The following IPCEF1 variants were observed in gnomAD, a reference collection of about 807,000 sequenced individuals.
The protein encoded by IPCEF1 is interactor protein for cytohesin exchange factors 1.
Under a neutral mutation model 50.9 loss-of-function variants are expected in IPCEF1, and 31 were observed. The observed-to-expected ratio is 0.61, with a 90% CI of 0.46 to 0.82. The LOEUF is 0.82. Ranked by LOEUF, IPCEF1 falls within the 40% of genes least tolerant of loss-of-function variation. The pLI is 0.00. For synonymous variants in IPCEF1, 181 were observed against 192.0 expected (o/e 0.94, Z 0.47); for missense variants, 458 against 514.0 (o/e 0.89, Z 1.05).
rs71021036 is a variant in IPCEF1, at chr6:154,273,724, C to CTTTTTTTTTTTTTTTT, written c.-17-7776_-17-7761dup. ...TCTTTTTTTCTTTCTTTCTTTCTTT[C>CTTTTTTTTTTTTTTTT]TTTTTTTTTTTTTTTTTTTTTTTTT... On this transcript the variant is annotated intron_variant, in intron 2 of 11. Transcript: ENST00000367220. 9.5e-5 allele frequency among the ~76,000 whole-genome samples: 6 copies of CTTTTTTTTTTTTTTTT among 63,316 alleles called. 1 individual carries two copies. The highest frequency in any genetic ancestry group is 1.3e-4 in the Non-Finnish European group (4 of 31,576). 41.5% of individuals were successfully genotyped at this position (63,316 alleles called of 152,430 possible). A position where few individuals can be genotyped will look rare whatever the true frequency, so the allele number is the denominator to read the frequency against.
chr6:154,239,972 G>C (rs983496689), intron 5 of IPCEF1, among the ~76,000 whole-genome samples: 2 of 152,192 alleles, frequency 1.3e-5, no homozygotes, highest in Non-Finnish European at 2.9e-5. Context: ...AAAGTGCTGG[G>C]ACTACAGGCG....
chr6:154,311,171 A>G (rs1483756604), intron 1 of IPCEF1, among the ~76,000 whole-genome samples: 2 of 152,192 alleles, frequency 1.3e-5, no homozygotes, highest in Non-Finnish European at 2.9e-5. Flanking sequence ...AAAAAATAAG[A>G]AAGAAAAACT....
At chr6:154,194,190 A>G (rs1776395324) in intron 10 of IPCEF1, among the ~76,000 whole-genome samples, 1 of 152,238 alleles carries the variant, frequency 6.6e-6, no homozygotes, top group African/African-American at 2.4e-5. Flanking sequence ...ACATGAGATC[A>G]GGAGTTCGAG....
At position 154,328,333 on chromosome 6, in the gene IPCEF1, G is replaced by A. The variant is rs1396955782; in HGVS notation, c.-62+28339C>T. ...TTGCCCAGTGCTCTGTCAAAAAAGG[G>A]ATCCTTGGCCAATCAACTGGGAAAT... is the stretch of plus-strand genomic sequence containing the variant. On this transcript the variant is annotated intron_variant, in intron 1 of 11. Coordinates refer to ENST00000367220, the MANE Select transcript of IPCEF1 (RefSeq NM_001130700.2). Among the ~76,000 whole-genome samples the A allele has an allele frequency of 2.0e-5, 3 of 152,280 alleles. No individual in the cohort carries two copies. In the South Asian group the frequency reaches 6.2e-4, roughly 32 times the overall value.
chr6:154,202,115 C>A (rs1199040030), intron 9 of IPCEF1, among the ~76,000 whole-genome samples: 1 of 152,098 alleles, frequency 6.6e-6, no homozygotes, highest in East Asian at 1.9e-4. Context: ...TAATGTGTAC[C>A]CAATCAGTTC....
intron 1 of IPCEF1, among the ~76,000 whole-genome samples, chr6:154,333,197 T>C (rs945076972): frequency 2.0e-5 from 3 of 152,060 alleles, no homozygotes; most frequent in African/African-American, 4.8e-5. Context: ...GTCAACTTGA[T>C]TGGATTGAAG....
chr6:154,260,903 C>T (rs1781583120), intron 3 of IPCEF1, among the ~76,000 whole-genome samples: 1 of 152,132 alleles, frequency 6.6e-6, no homozygotes. Context: ...TTGGTTATCA[C>T]CATAGTGTGA....
intron 10 of IPCEF1, among the ~76,000 whole-genome samples, chr6:154,198,953 G>A (rs574215437): frequency 5.9e-5 from 9 of 152,208 alleles, no homozygotes; most frequent in South Asian, 2.1e-4. Context: ...AATGAATAGC[G>A]CACAATCAGA....
intron 11 of IPCEF1, among the ~76,000 whole-genome samples, chr6:154,166,339 C>T (rs1218503380): frequency 6.6e-6 from 1 of 152,248 alleles, no homozygotes; most frequent in Admixed American, 6.5e-5. Context: ...CCTGAGTCTG[C>T]TGCTCTGTGG....
intron 10 of IPCEF1, among the ~76,000 whole-genome samples, chr6:154,180,414 A>ATATATATATATATATT (rs1241250621): frequency 1.5e-5 from 1 of 65,268 alleles, no homozygotes; most frequent in Non-Finnish European, 3.6e-5. Flanking sequence ...ATATATATAT[A>ATATATATATATATATT]TTTTTTTTTT....
At chr6:154,179,962 G>C (rs1800691323) in intron 10 of IPCEF1, among the ~76,000 whole-genome samples, 1 of 152,074 alleles carries the variant, frequency 6.6e-6, no homozygotes, top group South Asian at 2.1e-4. Flanking sequence ...GGAATTGCTG[G>C]TCCATGAACC....
At chr6:154,355,488 TTCTTTC>T (rs941370115) in intron 1 of IPCEF1, among the ~76,000 whole-genome samples, 2 of 138,176 alleles carry the variant, frequency 1.4e-5, no homozygotes, top group African/African-American at 5.1e-5. Flanking sequence ...TTTTCTTTCT[TTCTTTC>T]TTTTTTTTTT....
Position 154,169,000 on chromosome 6 carries a change from C to T in IPCEF1, c.911-887G>A, listed in dbSNP as rs868065066. On this transcript the variant is annotated intron_variant, in intron 10 of 11. Transcript: ENST00000367220. The surrounding 1 kb of genome is among the most constrained non-coding windows in gnomAD (Gnocchi z 4.1). ...GTGTTTCTCACGTGCAATATATTCACCTCATCCCAACAACTCCAAAAGTCT... is the reference window on the plus strand; with the variant it reads ...GTGTTTCTCACGTGCAATATATTCATCTCATCCCAACAACTCCAAAAGTCT... Among the ~76,000 whole-genome samples, 2 of 152,082 alleles carry T rather than the reference C, an allele frequency of 1.3e-5. No individual in the cohort carries two copies. The highest frequency in any genetic ancestry group is 4.8e-5 in the African/African-American group (2 of 41,404).
intron 5 of IPCEF1, among the ~76,000 whole-genome samples, chr6:154,235,948 T>C (rs930415572): frequency 6.6e-6 from 1 of 152,194 alleles, no homozygotes; most frequent in African/African-American, 2.4e-5. Flanking sequence ...GTTCCAGTTC[T>C]ATGGTTGGGA....
At chr6:154,326,137 G>C (rs2128690372) in intron 1 of IPCEF1, among the ~76,000 whole-genome samples, 1 of 151,510 alleles carries the variant, frequency 6.6e-6, no homozygotes, top group East Asian at 1.9e-4. Flanking sequence ...GAGGTGGGAG[G>C]CTTGAGCCCA....
chr6:154,312,835 T>C (rs1357097234), intron 1 of IPCEF1, among the ~76,000 whole-genome samples: 4 of 152,010 alleles, frequency 2.6e-5, no homozygotes, highest in Admixed American at 1.3e-4. Flanking sequence ...TATGCAACAA[T>C]GTACACATAT....
At chr6:154,183,938 C>T (rs1801117590) in intron 10 of IPCEF1, among the ~76,000 whole-genome samples, 1 of 151,484 alleles carries the variant, frequency 6.6e-6, no homozygotes, top group Non-Finnish European at 1.5e-5. Context: ...ACAAAAAACA[C>T]AAACAGGAAA....
intron 2 of IPCEF1, among the ~76,000 whole-genome samples, chr6:154,283,621 T>A (rs1433332312): frequency 6.6e-6 from 1 of 152,084 alleles, no homozygotes; most frequent in Non-Finnish European, 1.5e-5. Context: ...ATTAAATAAA[T>A]TTTTAAAAAG....
chr6:154,285,056 C>T (rs1007785398), intron 2 of IPCEF1, among the ~76,000 whole-genome samples: 2 of 152,224 alleles, frequency 1.3e-5, no homozygotes, highest in East Asian at 1.9e-4. Context: ...AGCATAACAC[C>T]GTCTAGTCTA....
Sources: allele counts gnomAD v4.1 joint callset (sites outside exome capture counted in the v4.1 genomes callset), GRCh38; gene constraint gnomAD v4.1.1; non-coding constraint Gnocchi (gnomAD v3.1); transcripts MANE v1.5; gene names NCBI Gene and HGNC (gene_info 2026-07-23, HGNC 2026-07-21).